SLC25A15: variants seen among roughly 807,000 people sequenced by gnomAD.
The protein encoded by SLC25A15 is solute carrier family 25 member 15.
In SLC25A15, 24 loss-of-function variants were observed where a neutral mutation model predicts 32.3. The ratio of observed to expected loss-of-function variants is 0.74; its 90% CI spans 0.54 to 1.04. The LOEUF (loss-of-function observed/expected upper bound fraction) is 1.04. Ranked by LOEUF, SLC25A15 falls within the 50% of genes least tolerant of loss-of-function variation. The pLI is 0.00. For synonymous variants in SLC25A15, 132 were observed against 142.1 expected, an observed-to-expected ratio of 0.93 and a Z score of 0.51; for missense variants, 317 against 374.5, an observed-to-expected ratio of 0.85 and a Z score of 1.27.
intron 1 of SLC25A15, among the ~76,000 whole-genome samples, chr13:40,792,233 T>C (rs1881533342): frequency 6.6e-6 from 1 of 152,152 alleles, no homozygotes; most frequent in Non-Finnish European, 1.5e-5. Flanking sequence ...GTCCTGGCAA[T>C]TTGGATATTT....
At chr13:40,797,964 T>C (rs9603791) in intron 2 of SLC25A15, among the ~76,000 whole-genome samples, 58,421 of 151,948 alleles carry the variant, frequency 0.38, 11,891 homozygotes, top group East Asian at 0.52. Context: ...AGTTCATTCT[T>C]CTCTTCTGTT....
intron 1 of SLC25A15, among the ~76,000 whole-genome samples, chr13:40,791,655 C>T (rs1488671695): frequency 6.6e-6 from 1 of 152,122 alleles, no homozygotes; most frequent in Admixed American, 6.6e-5. Flanking sequence ...CCGCGCCTGG[C>T]CAGGACCCTG....
rs1473835924 is a variant in SLC25A15, at chr13:40,811,804, C to T, written c.*2137C>T. On this transcript the variant is annotated 3_prime_UTR_variant, in exon 7 of 7. Transcript: ENST00000338625. The stretch of plus-strand genomic sequence containing the variant: ...GTCCATACCATGTATGTGTTTCTGT[C>T]AGCAGAATGTACATGTTGTACAAAA... Among the ~76,000 whole-genome samples the T allele has an allele frequency of 2.6e-5, 4 of 152,192 alleles. No homozygotes were observed. Among genetic ancestry groups the T allele is most frequent in the Non-Finnish European group, 4.4e-5 (3 of 68,032 alleles).
At chr13:40,798,000 C>T (rs138800361) in intron 2 of SLC25A15, among the ~76,000 whole-genome samples, 193 of 152,228 alleles carry the variant, frequency 1.3e-3, no homozygotes, top group Middle Eastern at 6.8e-3. Flanking sequence ...AATGATTTCA[C>T]GTGGCTGGGC....
chr13:40,805,166 A>C lies in SLC25A15; in HGVS notation c.363A>C (p.Ala121=), dbSNP rs1882121523. 6.2e-7 allele frequency: 1 copy of C among 1,614,048 alleles called. No individual in the cohort carries two copies. Among genetic ancestry groups the C allele is most frequent in the Non-Finnish European group, 8.5e-7 (1 of 1,180,048 alleles). ...AAGSFASAFA[A]LVLCPTELVK... ...GTTCCTTCGCCTCTGCCTTTGCTGCACTGGTGCTCTGCCCCACGGAGCTCG... is the reference window on the plus strand; with the variant it reads ...GTTCCTTCGCCTCTGCCTTTGCTGCCCTGGTGCTCTGCCCCACGGAGCTCG... The change falls in exon 4 of 7, where the codon GCA becomes GCC. Residue 121 remains alanine (A), a synonymous_variant. Coordinates refer to ENST00000338625, the MANE Select transcript of SLC25A15 (RefSeq NM_014252.4).
chr13:40,807,331 G>C lies in SLC25A15; in HGVS notation c.490G>C (p.Asp164His). The C allele has an allele frequency of 6.2e-7, 1 of 1,614,104 alleles. No homozygotes were observed. Among genetic ancestry groups the C allele is most frequent in the Non-Finnish European group, 8.5e-7 (1 of 1,179,992 alleles). ...WSVIKSILRKDGPLGFYHGLS... is the reference protein window; with the variant it reads ...WSVIKSILRKHGPLGFYHGLS... ...TGTCATCAAAAGTATTCTTAGGAAA[G>C]ATGGCCCCTTGGGGTTCTACCATGG... is the stretch of plus-strand genomic sequence containing the variant. Residue 164 changes from aspartate to histidine, a missense_variant, in exon 5 of 7, where the codon GAT becomes CAT. Transcript: ENST00000338625.
chr13:40,806,313 C>G (rs1882171488), intron 4 of SLC25A15, among the ~76,000 whole-genome samples: 2 of 152,140 alleles, frequency 1.3e-5, no homozygotes, highest in South Asian at 4.1e-4. Flanking sequence ...AGAAAGCTGC[C>G]CTCATGTTCC....
rs558846547 is a variant in SLC25A15, at chr13:40,791,920, C to T, written c.-69-1238C>T. Among the ~76,000 whole-genome samples, 6 of 152,280 alleles carry T rather than the reference C, an allele frequency of 3.9e-5. No individual in the cohort carries two copies. The East Asian group carries it at 9.6e-4, about 24-fold the overall frequency. On this transcript the variant is annotated intron_variant, in intron 1 of 6. Transcript: ENST00000338625. Reference sequence around the variant, plus strand: ...CTCCACGGCCAATGTTTCCTGTTGACGTTCAGGGTGACATTGGTGTTAGGA... The same window carrying T: ...CTCCACGGCCAATGTTTCCTGTTGATGTTCAGGGTGACATTGGTGTTAGGA...
intron 3 of SLC25A15, among the ~76,000 whole-genome samples, chr13:40,800,683 G>A (rs1881842845): frequency 6.6e-6 from 1 of 152,178 alleles, no homozygotes; most frequent in South Asian, 2.1e-4. Flanking sequence ...GAAACCACTG[G>A]ATCTGGCTCT....
intron 3 of SLC25A15, among the ~76,000 whole-genome samples, chr13:40,804,753 T>C (rs1343612109): frequency 2.6e-5 from 4 of 151,176 alleles, no homozygotes; most frequent in Non-Finnish European, 5.9e-5. Context: ...GGTTTCACCA[T>C]GTTAGCCAGG....
intron 5 of SLC25A15, among the ~76,000 whole-genome samples, chr13:40,808,233 G>A (rs186897513): frequency 5.4e-4 from 83 of 152,342 alleles, no homozygotes; most frequent in African/African-American, 1.9e-3. Context: ...GCAAGACCCA[G>A]GAGTAGACCT....
chr13:40,794,834 T>G (rs189704911), intron 2 of SLC25A15, among the ~76,000 whole-genome samples: 8 of 147,232 alleles, frequency 5.4e-5, no homozygotes, highest in African/African-American at 2.0e-4. Context: ...ATGAATATGG[T>G]CACCTCATCA....
intron 2 of SLC25A15, 102 bp from the exon 3 acceptor site, chr13:40,798,955 A>G: frequency 6.2e-7 from 1 of 1,607,936 alleles, no homozygotes; most frequent in Non-Finnish European, 8.5e-7. Flanking sequence ...GTTGAAATGA[A>G]CCGAAGCAGG....
chr13:40,800,807 C>T (rs1348901661), intron 3 of SLC25A15, among the ~76,000 whole-genome samples: 1 of 152,220 alleles, frequency 6.6e-6, no homozygotes, highest in Non-Finnish European at 1.5e-5. Flanking sequence ...CATTTTCCCA[C>T]ACTGCTTTCA....
rs760464704 is a variant in SLC25A15, at chr13:40,810,872, C to CCAT, written c.*1208_*1210dup. 6 of 534,400 alleles carry CCAT rather than the reference C, an allele frequency of 1.1e-5. No homozygotes were observed. The highest frequency in any genetic ancestry group is 1.9e-5 in the Admixed American group (1 of 51,580). The allele number at this position is 534,400 out of a possible 1,614,324, so 33.1% of individuals were successfully genotyped here. A position where few individuals can be genotyped will look rare whatever the true frequency, so the allele number is the denominator to read the frequency against. Reference sequence around the variant, plus strand: ...TTTGTCTCTGGGTCCTGGCCTGGGGCCATCAATCCACTTTGGGCCACTCAC... The same window carrying CCAT: ...TTTGTCTCTGGGTCCTGGCCTGGGGCCATCATCAATCCACTTTGGGCCACTCAC... On this transcript the variant is annotated 3_prime_UTR_variant, in exon 7 of 7. Transcript: ENST00000338625.
intron 1 of SLC25A15, among the ~76,000 whole-genome samples, chr13:40,790,266 C>T (rs1451160430): frequency 6.6e-6 from 1 of 152,160 alleles, no homozygotes; most frequent in Non-Finnish European, 1.5e-5. Flanking sequence ...CTGACTCTCC[C>T]TTCCAAAAAA....
At chr13:40,809,473 G>A in intron 6 of SLC25A15, 70 bp from the exon 7 acceptor site, 1 of 1,592,938 alleles carries the variant, frequency 6.3e-7, no homozygotes, top group Non-Finnish European at 8.6e-7. Flanking sequence ...ATATACCTAT[G>A]CTATGCAGCT....
Position 40,808,608 on chromosome 13 carries a change from C to T in SLC25A15, c.781+12C>T, listed in dbSNP as rs1181161113. Reference sequence around the variant, plus strand: ...TGTGAAAAATGAAGGTGAGTAAATACCTGTTTTTCAAGCATCTATATACAT... The same window carrying T: ...TGTGAAAAATGAAGGTGAGTAAATATCTGTTTTTCAAGCATCTATATACAT... On this transcript the variant is annotated intron_variant, in intron 6 of 6. Transcript: ENST00000338625. 7 of 1,597,894 alleles carry T rather than the reference C, an allele frequency of 4.4e-6. No homozygotes were observed. The highest frequency in any genetic ancestry group is 1.1e-5 in the South Asian group (1 of 91,036).
intron 1 of SLC25A15, among the ~76,000 whole-genome samples, chr13:40,790,489 A>G (rs1001342133): frequency 2.0e-5 from 3 of 152,254 alleles, no homozygotes; most frequent in African/African-American, 4.8e-5. Flanking sequence ...AGAGCTACAC[A>G]TAATGTGAAT....
Sources: allele counts gnomAD v4.1 joint callset (sites outside exome capture counted in the v4.1 genomes callset), GRCh38; gene constraint gnomAD v4.1.1; transcripts MANE v1.5; gene names NCBI Gene and HGNC (gene_info 2026-07-23, HGNC 2026-07-21).